Variants in ZER1 observed in about 807,000 individuals in gnomAD.
ZER1 encodes protein zer-1 homolog.
ZER1 carries 11 observed loss-of-function variants against 78.8 expected under a neutral mutation model. That is an observed-to-expected ratio of 0.14 (90% confidence interval 0.09 to 0.23). The LOEUF (loss-of-function observed/expected upper bound fraction) is 0.23, where lower values mean the gene tolerates loss of function less well. Ranked by LOEUF, ZER1 falls within the 10% of genes least tolerant of loss-of-function variation. ZER1 has a pLI of 1.00. For missense variants in ZER1, 588 were observed against 996.9 expected (o/e 0.59, Z 5.52); for synonymous variants, 400 against 407.0 (o/e 0.98, Z 0.21).
chr9:128,752,881 A>G, intron 4 of ZER1, 32 bp from the exon 5 acceptor site: 1 of 1,601,332 alleles, frequency 6.2e-7, no homozygotes, highest in Non-Finnish European at 8.5e-7. Context: ...GCAGGTTAGG[A>G]GCTGGGTACA....
rs527394723 is a variant in ZER1, at chr9:128,761,755, C to T, written c.-94-6096G>A. Reference sequence around the variant, plus strand: ...AAGTAGCTGGGACTACAGGCGCCTGCGACCACGCTCGGCTAATTTTTTGTA... The same window carrying T: ...AAGTAGCTGGGACTACAGGCGCCTGTGACCACGCTCGGCTAATTTTTTGTA... On this transcript the variant is annotated intron_variant, in intron 1 of 15. Transcript: ENST00000291900. Among the ~76,000 whole-genome samples the T allele has an allele frequency of 1.5e-4, 23 of 151,848 alleles. 1 individual carries two copies. The highest frequency in any genetic ancestry group is 4.2e-4 in the South Asian group (2 of 4,818).
intron 1 of ZER1, among the ~76,000 whole-genome samples, chr9:128,766,845 C>CAA (rs1176953959): frequency 0.5 from 24,318 of 48,866 alleles, 6,705 homozygotes; most frequent in Non-Finnish European, 0.58. Context: ...GATTCCGTCT[C>CAA]AAAAAAAAAA....
intron 14 of ZER1, among the ~76,000 whole-genome samples, chr9:128,733,798 T>TTA (rs1181474391): frequency 0.012 from 1,668 of 142,120 alleles, 32 homozygotes; most frequent in African/African-American, 0.036. Flanking sequence ...TAAAAAAAAA[T>TTA]TATATATATA....
Position 128,740,131 on chromosome 9 carries a change from A to G in ZER1, c.1854-12T>C, listed in dbSNP as rs1863239815. 1 of 1,580,496 alleles carries G rather than the reference A, an allele frequency of 6.3e-7. No individual in the cohort carries two copies. Among genetic ancestry groups the G allele is most frequent in the Non-Finnish European group, 8.7e-7 (1 of 1,156,046 alleles). Reference sequence around the variant, plus strand: ...TCTCCAACAGGTTGCTGCCAGGAGAAAGACAGAAAAATGGAGTCCCACTCC... The same window carrying G: ...TCTCCAACAGGTTGCTGCCAGGAGAGAGACAGAAAAATGGAGTCCCACTCC... On this transcript the variant is annotated splice_polypyrimidine_tract_variant and intron_variant, in intron 12 of 15. Transcript: ENST00000291900. This position sits in a 1 kb window ranked among gnomAD's most constrained non-coding sequence, Gnocchi z 4.4.
chr9:128,748,716 C>T (rs1471709920), intron 8 of ZER1, among the ~76,000 whole-genome samples: 8 of 151,796 alleles, frequency 5.3e-5, no homozygotes, highest in South Asian at 4.2e-4. Context: ...GGACTACAGG[C>T]GCCTGCCACC....
intron 8 of ZER1, among the ~76,000 whole-genome samples, chr9:128,744,528 G>T (rs1863422245): frequency 6.8e-6 from 1 of 148,056 alleles, no homozygotes; most frequent in Non-Finnish European, 1.5e-5. Context: ...GCCAAGGCTG[G>T]AATGCAATGG....
rs3932681 is a variant in ZER1 at position 128,766,580 on chromosome 9, C to T, written c.-95+5001G>A. Among the ~76,000 whole-genome samples the T allele has an allele frequency of 3.9e-4, 59 of 151,468 alleles. No individual in the cohort carries two copies. In the East Asian group the frequency reaches 7.7e-3, roughly 20 times the overall value. ...AGTGTGTCAGGCTGGGCACAGTGGCCTACGCCTGTAATCCCAGCACTTTGG... is the reference window on the plus strand; with the variant it reads ...AGTGTGTCAGGCTGGGCACAGTGGCTTACGCCTGTAATCCCAGCACTTTGG... On this transcript the variant is annotated intron_variant, in intron 1 of 15. Coordinates refer to ENST00000291900, the MANE Select transcript of ZER1 (RefSeq NM_006336.4).
intron 1 of ZER1, among the ~76,000 whole-genome samples, chr9:128,764,274 G>A (rs1055768690): frequency 6.6e-6 from 1 of 152,170 alleles, no homozygotes; most frequent in Admixed American, 6.5e-5. Context: ...AGGTCTGCAC[G>A]AGGCCTGGGA....
Position 128,755,535 on chromosome 9 carries a change from C to A in ZER1, c.31G>T (p.Ala11Ser), listed in dbSNP as rs1863831601. 6.2e-7 allele frequency: 1 copy of A among 1,613,770 alleles called. No homozygotes were observed. ...CGCAAGCAGAAGTCAGTACAGAGGG[C>A]CATCAGCGACTCGGGAGTGTCGGAC... MASDTPESLM[A>S]LCTDFCLRNL... The change falls in exon 2 of 16, where the codon GCC becomes TCC. Residue 11 changes from alanine (A) to serine (S), a missense_variant. Coordinates refer to ENST00000291900, the MANE Select transcript of ZER1 (RefSeq NM_006336.4). The surrounding 1 kb of genome is among the most constrained non-coding windows in gnomAD (Gnocchi z 5.6).
intron 15 of ZER1, among the ~76,000 whole-genome samples, chr9:128,731,604 A>T (rs1168253100): frequency 6.6e-6 from 1 of 152,158 alleles, no homozygotes; most frequent in Admixed American, 6.5e-5. Context: ...ATCACCAGCC[A>T]TCCTCCGCTT....
intron 8 of ZER1, among the ~76,000 whole-genome samples, chr9:128,749,517 G>A (rs577028149): frequency 6.6e-6 from 1 of 152,218 alleles, no homozygotes; most frequent in East Asian, 1.9e-4. Flanking sequence ...GCACATGCTT[G>A]TAATCCCAGC....
chr9:128,753,024 A>G lies in ZER1; in HGVS notation c.746+140T>C. The stretch of plus-strand genomic sequence containing the variant: ...CAATCCAGCTGAAACACTGGGTTTA[A>G]GGAATGGGACTGTGTCTTCATCCCC... On this transcript the variant is annotated intron_variant, in intron 4 of 15. Coordinates refer to ENST00000291900, the MANE Select transcript of ZER1 (RefSeq NM_006336.4). This position sits in a 1 kb window ranked among gnomAD's most constrained non-coding sequence, Gnocchi z 7.5. 8.3e-7 allele frequency: 1 copy of G among 1,203,130 alleles called. No individual in the cohort carries two copies. Among genetic ancestry groups the G allele is most frequent in the Non-Finnish European group, 1.1e-6 (1 of 878,986 alleles). 74.5% of individuals were successfully genotyped at this position (1,203,130 alleles called of 1,614,324 possible).
chr9:128,750,863 G>A (rs1863653503), intron 7 of ZER1, 74 bp from the exon 8 acceptor site: 46 of 1,577,008 alleles, frequency 2.9e-5, no homozygotes, highest in Non-Finnish European at 3.9e-5. Flanking sequence ...GCTGGAACAG[G>A]CTCTCTGGGG....
Position 128,771,917 on chromosome 9 carries a change from TCAA to T in ZER1, c.-434_-432del, listed in dbSNP as rs1325784853. 6.6e-6 allele frequency: 1 copy of T among 152,194 alleles called. No homozygotes were observed. Among genetic ancestry groups the T allele is most frequent in the Non-Finnish European group, 1.5e-5 (1 of 68,110 alleles). 9.4% of individuals were successfully genotyped at this position (152,194 alleles called of 1,614,324 possible). On this transcript the variant is annotated 5_prime_UTR_variant, in exon 1 of 16. Transcript: ENST00000291900. The stretch of plus-strand genomic sequence containing the variant: ...CCTGCAGCCGCCGCCGCCTCCGCTG[TCAA>T]CAAACCCGGGGCGCGTCACTTCCGG...
At chr9:128,735,779 T>TTTTTTTTTTTTG (rs1863053749) in intron 13 of ZER1, among the ~76,000 whole-genome samples, 1 of 136,184 alleles carries the variant, frequency 7.3e-6, no homozygotes. Flanking sequence ...TTTTTTTTTT[T>TTTTTTTTTTTTG]TTTTTTTTTT....
chr9:128,732,264 T>C lies in ZER1; in HGVS notation c.2244-870A>G, dbSNP rs1325554778. ...ACTGGTCAGTCTTACCCAGTGCTTC[T>C]CAAATTTCCCGGGAATCCTTGTTAA... On this transcript the variant is annotated intron_variant, in intron 15 of 15. Coordinates refer to ENST00000291900, the MANE Select transcript of ZER1 (RefSeq NM_006336.4). The surrounding 1 kb of genome is among the most constrained non-coding windows in gnomAD (Gnocchi z 4.8). Among the ~76,000 whole-genome samples the C allele has an allele frequency of 6.6e-6, 1 of 152,204 alleles. No individual in the cohort carries two copies. The highest frequency in any genetic ancestry group is 1.5e-5 in the Non-Finnish European group (1 of 68,042).
intron 9 of ZER1, 58 bp from the exon 10 acceptor site, chr9:128,741,899 C>A: frequency 6.2e-7 from 1 of 1,611,714 alleles, no homozygotes; most frequent in Non-Finnish European, 8.5e-7. Flanking sequence ...CCCACCCCCA[C>A]GAACCCAAGA....
At chr9:128,766,321 C>T (rs1328212012) in intron 1 of ZER1, among the ~76,000 whole-genome samples, 1 of 148,946 alleles carries the variant, frequency 6.7e-6, no homozygotes, top group African/African-American at 2.5e-5. Context: ...TGTACTCCAG[C>T]CTGGCAACAG....
rs183256714 is a variant in ZER1 at position 128,732,310 on chromosome 9, C to A, written c.2244-916G>T. Among the ~76,000 whole-genome samples the A allele has an allele frequency of 5.0e-4, 76 of 152,320 alleles. No homozygotes were observed. Among genetic ancestry groups the A allele is most frequent in the Admixed American group, 3.5e-3 (53 of 15,304 alleles). ...GTTAACCATGAAAATTCCAGGGCCA[C>A]CTCCCACCTCCCGGATGTACTGGAA... On this transcript the variant is annotated intron_variant, in intron 15 of 15. Transcript: ENST00000291900. This position sits in a 1 kb window ranked among gnomAD's most constrained non-coding sequence, Gnocchi z 4.8.
Sources: allele counts gnomAD v4.1 joint callset (sites outside exome capture counted in the v4.1 genomes callset), GRCh38; gene constraint gnomAD v4.1.1; non-coding constraint Gnocchi (gnomAD v3.1); transcripts MANE v1.5; gene names NCBI Gene and HGNC (gene_info 2026-07-23, HGNC 2026-07-21).